Variants in MTARC1 observed in about 807,000 individuals in gnomAD.
MTARC1 encodes the protein mitochondrial amidoxime reducing component 1.
A neutral mutation model predicts 33.6 loss-of-function variants in MTARC1; 24 were observed. The observed-to-expected ratio is 0.72, with a 90% CI of 0.52 to 1.01. MTARC1 has a LOEUF of 1.01. MTARC1 is among the 50% of genes least tolerant of loss of function. The pLI, the probability that MTARC1 is intolerant of heterozygous loss-of-function variation, is 0.00. For synonymous variants in MTARC1, 187 were observed against 189.5 expected, an observed-to-expected ratio of 0.99 and a Z score of 0.11; for missense variants, 417 against 445.7, an observed-to-expected ratio of 0.94 and a Z score of 0.58.
chr1:220,787,155 G>A lies in MTARC1; in HGVS notation c.211G>A (p.Gly71Arg), dbSNP rs770869202. The change falls in exon 1 of 7, where the codon GGG (glycine) becomes AGG (arginine). Residue 71 changes from glycine (G) to arginine (R), a missense_variant. Transcript: ENST00000366910. ...GATCTACCCTGTGAAATCCTGCAAG[G>A]GGGTGCCGGTGAGCGAGGCGGAGTG... ...LWIYPVKSCK[G>R]VPVSEAECTA... 7 of 1,577,574 alleles carry A rather than the reference G, an allele frequency of 4.4e-6. No homozygotes were observed. The East Asian group carries it at 1.7e-4, about 37-fold the overall frequency.
At chr1:220,813,173 AC>A in intron 6 of MTARC1, 118 bp from the exon 7 acceptor site, 1 of 1,367,762 alleles carries the variant, frequency 7.3e-7, no homozygotes, top group South Asian at 1.3e-5. Flanking sequence ...TTGAGCTTTG[AC>A]GGGATGGTGC....
At position 220,787,192 on chromosome 1, in the gene MTARC1, G is replaced by T; in HGVS notation, c.248G>T (p.Gly83Val). 1 of 1,578,564 alleles carries T rather than the reference G, an allele frequency of 6.3e-7. No homozygotes were observed. The highest frequency in any genetic ancestry group is 8.6e-7 in the Non-Finnish European group (1 of 1,163,262). The change falls in exon 1 of 7, where the codon GGG becomes GTG. Residue 83 changes from glycine to valine, a missense_variant. Physicochemically the swap from Gly to Val is moderately radical, Grantham distance 109. Transcript: ENST00000366910. ...PVSEAECTAM[G>V]LRSGNLRDRF... ...AGCGAGGCGGAGTGCACGGCCATGG[G>T]GCTGCGCAGCGGCAACCTGCGGGAC...
chr1:220,791,728 A>G (rs1279221510), intron 2 of MTARC1, 64 bp downstream of exon 2: 2 of 1,557,812 alleles, frequency 1.3e-6, no homozygotes, highest in African/African-American at 2.7e-5. Context: ...GAGAAAGCAT[A>G]AACTCTAGAG....
At chr1:220,788,409 C>T (rs895893673) in intron 1 of MTARC1, among the ~76,000 whole-genome samples, 17 of 152,166 alleles carry the variant, frequency 1.1e-4, no homozygotes, top group African/African-American at 4.1e-4. Flanking sequence ...TACCAGCTCC[C>T]CAGACAGAGG....
rs138923556 is a variant in MTARC1, at chr1:220,790,470, A to T, written c.276-1021A>T. Among the ~76,000 whole-genome samples the T allele has an allele frequency of 7.6e-3, 1,165 of 152,346 alleles. 3 individuals are homozygous for T. The highest frequency in any genetic ancestry group is 0.014 in the Non-Finnish European group (928 of 68,032). On this transcript the variant is annotated intron_variant, in intron 1 of 6. Transcript: ENST00000366910. ...AGGAAGAATATTAGACAGAATATTC[A>T]CCTGCTAGTCCCAAGGATTTGGGTC...
At position 220,805,271 on chromosome 1, in the gene MTARC1, A is replaced by G. The variant is rs752646928; in HGVS notation, c.884A>G (p.Lys295Arg). 6 of 1,612,862 alleles carry G rather than the reference A, an allele frequency of 3.7e-6. No individual in the cohort carries two copies. The highest frequency in any genetic ancestry group is 1.7e-5 in the Admixed American group (1 of 60,022). Residue 295 changes from lysine (K) to arginine (R), a missense_variant, in exon 6 of 7, where the codon AAG (lysine) becomes AGG (arginine). Lys to Arg is a conservative substitution (Grantham distance 26). Transcript: ENST00000366910. ...AGGAAGGAACCGCTGGAAACACTGA[A>G]GAGGTAGGACTGGGCAGACGGGGCT... ...MSRKEPLETL[K>R]SYRQCDPSER... is the part of the protein sequence containing the mutation.
At chr1:220,805,422 G>C in intron 6 of MTARC1, 148 bp downstream of exon 6, 2 of 810,550 alleles carry the variant, frequency 2.5e-6, no homozygotes, top group East Asian at 5.3e-5. Flanking sequence ...GAGATAATTT[G>C]GGAAACATTC....
Position 220,814,098 on chromosome 1 carries a change from C to G in MTARC1, c.*680C>G, listed in dbSNP as rs1401600916. The G allele has an allele frequency of 6.6e-6, 1 of 152,282 alleles. No individual in the cohort carries two copies. The highest frequency in any genetic ancestry group is 1.5e-5 in the Non-Finnish European group (1 of 68,102). The allele number at this position is 152,282 out of a possible 1,614,324, so 9.4% of individuals were successfully genotyped here. A position where few individuals can be genotyped will look rare whatever the true frequency, so the allele number is the denominator to read the frequency against. ...CCTGGATCCTTGCCATTCCCCTCAG[C>G]TAATGACGGAGTGCTCCTTCTCCAG... On this transcript the variant is annotated 3_prime_UTR_variant, in exon 7 of 7. Coordinates refer to ENST00000366910, the MANE Select transcript of MTARC1 (RefSeq NM_022746.4).
rs1672252222 is a variant in MTARC1, at chr1:220,786,966, G to A, written c.22G>A (p.Ala8Thr). MGAAGSS[A>T]LARFVLLAQS... ...AGCCATGGGCGCCGCCGGCTCCTCC[G>A]CGCTGGCGCGCTTTGTCCTCCTCGC... is the stretch of plus-strand genomic sequence containing the variant. The change falls in exon 1 of 7, where the codon GCG (alanine) becomes ACG (threonine). Residue 8 changes from alanine to threonine, a missense_variant. Physicochemically the swap from Ala to Thr is moderately conservative, Grantham distance 58. Transcript: ENST00000366910. The A allele has an allele frequency of 4.0e-6, 5 of 1,250,178 alleles. No homozygotes were observed. In the Admixed American group the frequency reaches 1.3e-4, roughly 32 times the overall value. The allele number at this position is 1,250,178 out of a possible 1,614,324, so 77.4% of individuals were successfully genotyped here.
At chr1:220,792,942 A>G (rs1672475886) in intron 2 of MTARC1, among the ~76,000 whole-genome samples, 1 of 152,140 alleles carries the variant, frequency 6.6e-6, no homozygotes, top group African/African-American at 2.4e-5. Context: ...ATTTTTTTCC[A>G]GGTATTAAGA....
rs200184355 is a variant in MTARC1, at chr1:220,787,265, C to T, written c.275+46C>T. The T allele has an allele frequency of 3.3e-6, 5 of 1,522,502 alleles. No homozygotes were observed. In the East Asian group the frequency reaches 1.0e-4, roughly 31 times the overall value. The allele number at this position is 1,522,502 out of a possible 1,614,324, so 94.3% of individuals were successfully genotyped here. ...GGGGCAGCGCTGATCCGGCTCGGGG[C>T]AAGGGGGTGAGAAGGGAGGAGCGCA... On this transcript the variant is annotated intron_variant, in intron 1 of 6. Coordinates refer to ENST00000366910, the MANE Select transcript of MTARC1 (RefSeq NM_022746.4).
chr1:220,811,162 G>T (rs1673124290), intron 6 of MTARC1, among the ~76,000 whole-genome samples: 1 of 152,154 alleles, frequency 6.6e-6, no homozygotes, highest in Non-Finnish European at 1.5e-5. Flanking sequence ...CTGACAGATA[G>T]ATCTCAGAAT....
At chr1:220,794,910 GT>G (rs1180067920) in intron 2 of MTARC1, among the ~76,000 whole-genome samples, 1 of 152,070 alleles carries the variant, frequency 6.6e-6, no homozygotes, top group African/African-American at 2.4e-5. Context: ...TCAATAAAAA[GT>G]TTTTAAAAAT....
intron 4 of MTARC1, among the ~76,000 whole-genome samples, chr1:220,801,073 A>G (rs922298728): frequency 6.6e-6 from 1 of 152,120 alleles, no homozygotes; most frequent in Non-Finnish European, 1.5e-5. Context: ...TGTCTGCTCA[A>G]AGCCCTCTCA....
At chr1:220,800,735 C>T (rs1408228448) in intron 4 of MTARC1, among the ~76,000 whole-genome samples, 1 of 152,160 alleles carries the variant, frequency 6.6e-6, no homozygotes, top group Non-Finnish European at 1.5e-5. Flanking sequence ...AATTGAGGGT[C>T]AGGTATCCAC....
chr1:220,805,999 CAT>C (rs1354801603), intron 6 of MTARC1, among the ~76,000 whole-genome samples: 3 of 152,096 alleles, frequency 2.0e-5, no homozygotes, highest in Non-Finnish European at 2.9e-5. Context: ...TATAAATGCA[CAT>C]GAGTAGATAA....
rs561805887 is a variant in MTARC1 at position 220,798,959 on chromosome 1, A to G, written c.753+945A>G. ...GAAATAATCTAAGAATTTGATTCCC[A>G]CATTCAAACCAGAAGATGTGACGGC... On this transcript the variant is annotated intron_variant, in intron 4 of 6. Transcript: ENST00000366910. 2.2e-4 allele frequency: 221 copies of G among 985,444 alleles called. No homozygotes were observed. In the Middle Eastern group the frequency reaches 3.1e-3, roughly 14 times the overall value. 61.0% of individuals were successfully genotyped at this position (985,444 alleles called of 1,614,324 possible). A position where few individuals can be genotyped will look rare whatever the true frequency, so the allele number is the denominator to read the frequency against.
chr1:220,814,375 G>A lies in MTARC1; in HGVS notation c.*957G>A, dbSNP rs1673232177. ...AATGTTTTTAAAACTGTGAATAAAT[G>A]GAAGCTACTTTGACTAGTTTCAGAT... On this transcript the variant is annotated 3_prime_UTR_variant, in exon 7 of 7. Coordinates refer to ENST00000366910, the MANE Select transcript of MTARC1 (RefSeq NM_022746.4). The A allele has an allele frequency of 6.6e-6, 1 of 152,166 alleles. No individual in the cohort carries two copies. Among genetic ancestry groups the A allele is most frequent in the Admixed American group, 6.5e-5 (1 of 15,272 alleles). 9.4% of individuals were successfully genotyped at this position (152,166 alleles called of 1,614,324 possible).
At chr1:220,790,831 A>C (rs1398901540) in intron 1 of MTARC1, 1 of 152,196 alleles carries the variant, frequency 6.6e-6, no homozygotes, top group Non-Finnish European at 1.5e-5. Flanking sequence ...TCTTTCTATT[A>C]CCTTTATTTC....
Sources: allele counts gnomAD v4.1 joint callset (sites outside exome capture counted in the v4.1 genomes callset), GRCh38; gene constraint gnomAD v4.1.1; transcripts MANE v1.5; gene names NCBI Gene and HGNC (gene_info 2026-07-23, HGNC 2026-07-21).